The following EPHA5 variants were observed in gnomAD, a reference collection of about 807,000 sequenced individuals.
The protein encoded by EPHA5 is ephrin type-A receptor 5.
In EPHA5, 60 loss-of-function variants were observed where a neutral mutation model predicts 105.0. The ratio of observed to expected loss-of-function variants is 0.57; its 90% CI spans 0.46 to 0.71. The LOEUF (loss-of-function observed/expected upper bound fraction) is 0.71, where lower values mean the gene tolerates loss of function less well. Ranked by LOEUF, EPHA5 falls within the 30% of genes least tolerant of loss-of-function variation. The pLI is 0.00. For synonymous variants in EPHA5, 513 were observed against 449.1 expected (o/e 1.14, Z -1.80); for missense variants, 1,218 against 1,274.7 (o/e 0.96, Z 0.68).
At chr4:65,576,149 GAA>G (rs1741024770) in intron 3 of EPHA5, among the ~76,000 whole-genome samples, 1 of 129,924 alleles carries the variant, frequency 7.7e-6, no homozygotes, top group African/African-American at 2.7e-5. Flanking sequence ...GAAAGAAAAA[GAA>G]AGAGAGAGAG....
intron 12 of EPHA5, 115 bp downstream of exon 12, chr4:65,352,927 A>C (rs1346598755): frequency 4.0e-6 from 2 of 501,530 alleles, no homozygotes; most frequent in Non-Finnish European, 6.9e-6. Flanking sequence ...TCTATTAAAA[A>C]CTTAAGCTTT....
chr4:65,611,443 T>G (rs1313422775), intron 2 of EPHA5, among the ~76,000 whole-genome samples: 1 of 150,558 alleles, frequency 6.6e-6, no homozygotes, highest in Non-Finnish European at 1.5e-5. Context: ...GGATTCAGCT[T>G]AATGAAAATA....
At chr4:65,383,668 G>A (rs1402140389) in intron 8 of EPHA5, among the ~76,000 whole-genome samples, 1 of 151,704 alleles carries the variant, frequency 6.6e-6, no homozygotes, top group Non-Finnish European at 1.5e-5. Flanking sequence ...ATAATGCCCT[G>A]GTCATAATAT....
chr4:65,485,089 A>G (rs1730756649), intron 5 of EPHA5, among the ~76,000 whole-genome samples: 2 of 151,718 alleles, frequency 1.3e-5, no homozygotes, highest in African/African-American at 4.8e-5. Flanking sequence ...TATTCATTTT[A>G]TAAGATTAAT....
At chr4:65,598,411 C>A (rs1743388548) in intron 3 of EPHA5, among the ~76,000 whole-genome samples, 1 of 152,078 alleles carries the variant, frequency 6.6e-6, no homozygotes, top group Non-Finnish European at 1.5e-5. Flanking sequence ...ACATAGTATT[C>A]TTTTACACCT....
chr4:65,576,404 A>T (rs1741058566), intron 3 of EPHA5, among the ~76,000 whole-genome samples: 1 of 152,206 alleles, frequency 6.6e-6, no homozygotes, highest in Non-Finnish European at 1.5e-5. Context: ...ATTTTTCTTA[A>T]CTTTGGTTCA....
At chr4:65,560,230 A>T (rs940248632) in intron 3 of EPHA5, among the ~76,000 whole-genome samples, 1 of 152,106 alleles carries the variant, frequency 6.6e-6, no homozygotes, top group Non-Finnish European at 1.5e-5. Context: ...TTCACATAAG[A>T]TTTTTCAAAT....
In EPHA5 at chr4:65,366,013, C is replaced by T. The variant is rs1388138471; in HGVS notation, c.1906G>A (p.Glu636Lys). Residue 636 changes from glutamate to lysine, a missense_variant, in exon 10 of 17, where the codon GAG (glutamate) becomes AAG (lysine). Glu to Lys is a moderately conservative substitution (Grantham distance 56). This residue lies in a region of EPHA5 where 971 missense variants were observed against 1,013.5 expected (regional missense o/e 0.96). Coordinates refer to ENST00000613740, the MANE Select transcript of EPHA5 (RefSeq NM_001281766.3). ...TCGTGGACAGCTTGATTGGGATCCT[C>T]ATAGGTATGTGGATCAATGTAAGTT... ...VRTYIDPHTYEDPNQAVHEFA... is the reference protein window; with the variant it reads ...VRTYIDPHTYKDPNQAVHEFA... The T allele has an allele frequency of 1.9e-6, 3 of 1,604,720 alleles. No individual in the cohort carries two copies. The highest frequency in any genetic ancestry group is 2.7e-5 in the African/African-American group (2 of 74,808).
At position 65,471,065 on chromosome 4, in the gene EPHA5, T is replaced by C. The variant is rs552218587; in HGVS notation, c.1402+19312A>G. Among the ~76,000 whole-genome samples, 21 of 152,326 alleles carry C rather than the reference T, an allele frequency of 1.4e-4. 1 individual carries two copies. In the East Asian group the frequency reaches 4.1e-3, roughly 29 times the overall value. ...ATATCTATACATCAGTTCCTTTCTT[T>C]GTCTATACATTTGTTCTGATCATGA... On this transcript the variant is annotated intron_variant, in intron 5 of 16. Transcript: ENST00000613740.
intron 3 of EPHA5, among the ~76,000 whole-genome samples, chr4:65,506,192 T>C (rs1390033910): frequency 6.6e-6 from 1 of 152,166 alleles, no homozygotes; most frequent in Non-Finnish European, 1.5e-5. Context: ...TCCTTTTTTA[T>C]GGCTGCATAG....
Position 65,632,994 on chromosome 4 carries a change from G to GA in EPHA5, c.246+10368dup, listed in dbSNP as rs1294084254. ...ATGAAAGAAATGAGCTCATTAGAGG[G>GA]AAAGTATTGGGGGATATAGGATCAC... is the stretch of plus-strand genomic sequence containing the variant. On this transcript the variant is annotated intron_variant, in intron 2 of 16. Transcript: ENST00000613740. Among the ~76,000 whole-genome samples, 3 of 152,078 alleles carry GA rather than the reference G, an allele frequency of 2.0e-5. No individual in the cohort carries two copies. In the East Asian group the frequency reaches 5.8e-4, roughly 29 times the overall value.
chr4:65,608,675 A>G (rs1196856647), intron 2 of EPHA5, among the ~76,000 whole-genome samples: 1 of 152,214 alleles, frequency 6.6e-6, no homozygotes, highest in African/African-American at 2.4e-5. Context: ...GTGCTAATTT[A>G]AAGGTGATCC....
chr4:65,387,187 C>T (rs916178186), intron 8 of EPHA5, among the ~76,000 whole-genome samples: 1 of 151,864 alleles, frequency 6.6e-6, no homozygotes. Context: ...TGATTTTCAC[C>T]TTAGGACATT....
rs776259401 is a variant in EPHA5 at position 65,602,232 on chromosome 4, G to C, written c.319C>G (p.Gln107Glu). 5.0e-6 allele frequency: 8 copies of C among 1,612,916 alleles called. No individual in the cohort carries two copies. The highest frequency in any genetic ancestry group is 6.8e-6 in the Non-Finnish European group (8 of 1,179,976). ...GTCAAAAGCCAGTTATTCTGATTCT[G>C]TTCCATCACTTTGCATACTTGGTAT... ...HTYQVCKVME[Q>E]NQNNWLLTSW... The change falls in exon 3 of 17, where the codon CAG (glutamine) becomes GAG (glutamate). Residue 107 changes from glutamine (Q) to glutamate (E), a missense_variant. Around this residue, in one of 3 missense-constraint regions of EPHA5, gnomAD observed 233 missense variants for 227.5 expected, o/e 1.02. Transcript: ENST00000613740.
intron 5 of EPHA5, among the ~76,000 whole-genome samples, chr4:65,487,249 T>C (rs1479685934): frequency 6.6e-6 from 1 of 152,214 alleles, no homozygotes; most frequent in Non-Finnish European, 1.5e-5. Flanking sequence ...CTTAATTGAC[T>C]CCATCTTTCC....
At chr4:65,531,014 T>TC (rs1560655699) in intron 3 of EPHA5, among the ~76,000 whole-genome samples, 1 of 131,198 alleles carries the variant, frequency 7.6e-6, no homozygotes, top group African/African-American at 3.0e-5. Context: ...TTATTTTTTT[T>TC]ATTTTTTTTA....
At chr4:65,433,381 A>C (rs1578106986) in intron 5 of EPHA5, among the ~76,000 whole-genome samples, 2 of 152,330 alleles carry the variant, frequency 1.3e-5, no homozygotes, top group South Asian at 4.1e-4. Context: ...TTGTAAGACC[A>C]CACCAACATA....
chr4:65,454,149 G>A (rs1043189269), intron 5 of EPHA5, among the ~76,000 whole-genome samples: 5 of 151,996 alleles, frequency 3.3e-5, no homozygotes, highest in Non-Finnish European at 5.9e-5. Flanking sequence ...GCATGGTGGC[G>A]CATGCCTGTA....
intron 3 of EPHA5, among the ~76,000 whole-genome samples, chr4:65,571,963 T>G (rs1248373044): frequency 1.3e-5 from 2 of 152,074 alleles, no homozygotes; most frequent in African/African-American, 4.8e-5. Flanking sequence ...TCCAAAATAA[T>G]TATTAAAATT....
Sources: gnomAD v4.1 joint callset for allele counts (sites outside exome capture counted in the v4.1 genomes callset) on GRCh38, gnomAD v4.1.1 for gene constraint, gnomAD v4.1.1 regional missense constraint, MANE v1.5 for transcripts, NCBI Gene and HGNC (gene_info 2026-07-23, HGNC 2026-07-21) for gene names.